Variants in DNAH8 observed in about 807,000 individuals in gnomAD.
DNAH8 encodes axonemal beta dynein heavy chain 8.
DNAH8 carries 382 observed loss-of-function variants against 562.1 expected under a neutral mutation model. The ratio of observed to expected loss-of-function variants is 0.68; its 90% CI spans 0.63 to 0.74. The LOEUF is 0.74. Ranked by LOEUF, DNAH8 falls within the 30% of genes least tolerant of loss-of-function variation. The pLI is 0.00. For synonymous variants in DNAH8, 1,881 were observed against 1,919.4 expected, an observed-to-expected ratio of 0.98 and a Z score of 0.52; for missense variants, 5,203 against 5,620.4, an observed-to-expected ratio of 0.93 and a Z score of 2.37.
chr6:38,755,904 A>G (rs780111464), intron 9 of DNAH8, 68 bp from the exon 10 acceptor site: 1 of 910,558 alleles, frequency 1.1e-6, no homozygotes, highest in Non-Finnish European at 1.8e-6. Flanking sequence ...AGTTTTGAGT[A>G]TTATAGAATA....
At position 38,898,324 on chromosome 6, in the gene DNAH8, A is replaced by G. The variant is rs1554130647; in HGVS notation, c.9007A>G (p.Arg3003Gly). ...CCAGAGACAGTTCAATGAAATCATTAGAGGAACATCTCTTGATCTGGTGTT... is the reference window on the plus strand; with the variant it reads ...CCAGAGACAGTTCAATGAAATCATTGGAGGAACATCTCTTGATCTGGTGTT... ...FYQRQFNEII[R>G]GTSLDLVFFK... is the part of the protein sequence containing the mutation. Residue 3003 changes from arginine (R) to glycine (G), a missense_variant, in exon 61 of 93, where the codon AGA becomes GGA. Physicochemically the swap from Arg to Gly is moderately radical, Grantham distance 125. Transcript: ENST00000327475. 3.1e-6 allele frequency: 5 copies of G among 1,590,308 alleles called. No homozygotes were observed. Among genetic ancestry groups the G allele is most frequent in the African/African-American group, 1.4e-5 (1 of 73,438 alleles).
chr6:38,956,597 A>G (rs902802622), intron 82 of DNAH8, among the ~76,000 whole-genome samples: 3 of 152,164 alleles, frequency 2.0e-5, no homozygotes, highest in African/African-American at 4.8e-5. Context: ...AGACAAACCC[A>G]TCTGGGCCAC....
chr6:38,908,159 T>C, intron 64 of DNAH8, 39 bp downstream of exon 64: 1 of 1,306,178 alleles, frequency 7.7e-7, no homozygotes, highest in Admixed American at 2.5e-5. Flanking sequence ...GTAGAAAGAG[T>C]TCCTTATTTA....
chr6:38,809,455 G>A (rs1771598530), intron 24 of DNAH8, among the ~76,000 whole-genome samples: 1 of 152,070 alleles, frequency 6.6e-6, no homozygotes, highest in Admixed American at 6.5e-5. Context: ...TTTTCCATAT[G>A]GTTAATTAGT....
At position 38,872,897 on chromosome 6, in the gene DNAH8, T is replaced by A; in HGVS notation, c.7238-9T>A. 1 of 1,609,892 alleles carries A rather than the reference T, an allele frequency of 6.2e-7. No homozygotes were observed. The highest frequency in any genetic ancestry group is 8.5e-7 in the Non-Finnish European group (1 of 1,178,630). ...GTGAAAAGTGATTTTCTGTTTTAAT[T>A]ATTTTCAGGTGAAAACATTTTCCTC... On this transcript the variant is annotated splice_polypyrimidine_tract_variant and intron_variant, in intron 50 of 92. Transcript: ENST00000327475.
At chr6:38,749,535 T>TAAA (rs562568389) in intron 8 of DNAH8, among the ~76,000 whole-genome samples, 10 of 120,452 alleles carry the variant, frequency 8.3e-5, no homozygotes, top group South Asian at 2.8e-4. Context: ...GAACTTAAAG[T>TAAA]AAAAAAAAAA....
At chr6:39,009,549 G>A (rs1766044578) in intron 89 of DNAH8, among the ~76,000 whole-genome samples, 1 of 152,140 alleles carries the variant, frequency 6.6e-6, no homozygotes, top group Non-Finnish European at 1.5e-5. Context: ...ATTAGAATGG[G>A]GTGGCATGGG....
intron 12 of DNAH8, among the ~76,000 whole-genome samples, chr6:38,774,599 C>G (rs1045142497): frequency 6.6e-6 from 1 of 152,152 alleles, no homozygotes; most frequent in Non-Finnish European, 1.5e-5. Flanking sequence ...CCTCATCCAA[C>G]CAATCAACAA....
At chr6:38,807,442 AC>A (rs1305209285) in intron 23 of DNAH8, among the ~76,000 whole-genome samples, 167 bp from the exon 24 acceptor site, 1 of 152,232 alleles carries the variant, frequency 6.6e-6, no homozygotes, top group Non-Finnish European at 1.5e-5. Context: ...TCTAAAAAAA[AC>A]AGACAAGTAA....
At position 38,857,574 on chromosome 6, in the gene DNAH8, T is replaced by C. The variant is rs1382429820; in HGVS notation, c.5790T>C (p.Arg1930=). 1.2e-6 allele frequency: 2 copies of C among 1,613,968 alleles called. No individual in the cohort carries two copies. Among genetic ancestry groups the C allele is most frequent in the Admixed American group, 1.7e-5 (1 of 60,018 alleles). Residue 1930 remains arginine (R), a synonymous_variant, in exon 42 of 93, where the codon CGT becomes CGC. Coordinates refer to ENST00000327475, the MANE Select transcript of DNAH8 (RefSeq NM_001206927.2). ...CACACGATTCAGAAGAGGCTTTACG[T>C]AATGCAAAAGATGACAGGAAAATCA... ...LWTHDSEEAL[R]NAKDDRKIMQ... is the part of the protein sequence containing the mutation.
chr6:38,977,226 C>T (rs7754034), intron 85 of DNAH8, among the ~76,000 whole-genome samples: 21,993 of 152,068 alleles, frequency 0.14, 1,795 homozygotes, highest in East Asian at 0.35. Context: ...GAGGAGGGTG[C>T]CCTGGGTGCT....
intron 26 of DNAH8, among the ~76,000 whole-genome samples, chr6:38,820,961 G>A (rs976642437): frequency 3.3e-5 from 5 of 152,028 alleles, no homozygotes; most frequent in Admixed American, 3.3e-4. Context: ...ACATCTACTC[G>A]ACATTATAGT....
At chr6:38,929,689 A>AAT (rs1554138197) in intron 75 of DNAH8, 23 bp downstream of exon 75, 136 of 1,497,260 alleles carry the variant, frequency 9.1e-5, no homozygotes, top group Non-Finnish European at 1.2e-4. Flanking sequence ...AAAAAAAAAA[A>AAT]AAAGAAAGAA....
At chr6:38,878,813 G>A (rs1277393629) in intron 53 of DNAH8, among the ~76,000 whole-genome samples, 1 of 152,136 alleles carries the variant, frequency 6.6e-6, no homozygotes, top group African/African-American at 2.4e-5. Context: ...TAATAACTGT[G>A]TTGTACATTT....
chr6:38,884,988 C>T (rs1165141076), intron 56 of DNAH8, among the ~76,000 whole-genome samples: 1 of 152,112 alleles, frequency 6.6e-6, no homozygotes, highest in East Asian at 1.9e-4. Context: ...TCCCATTTTG[C>T]TCTTTATCCC....
At position 38,848,740 on chromosome 6, in the gene DNAH8, A is replaced by G. The variant is rs758033766; in HGVS notation, c.5138A>G (p.Asn1713Ser). 6.2e-7 allele frequency: 1 copy of G among 1,613,360 alleles called. No individual in the cohort carries two copies. Among genetic ancestry groups the G allele is most frequent in the Non-Finnish European group, 8.5e-7 (1 of 1,179,546 alleles). ...DIIEEWLVVQ[N>S]LWVYLEAVFV... Reference sequence around the variant, plus strand: ...ATTGAAGAGTGGCTCGTAGTACAGAACCTTTGGGTTTATCTTGAAGCCGTC... The same window carrying G: ...ATTGAAGAGTGGCTCGTAGTACAGAGCCTTTGGGTTTATCTTGAAGCCGTC... Residue 1713 changes from asparagine (N) to serine (S), a missense_variant, in exon 37 of 93, where the codon AAC becomes AGC. Asn to Ser is a conservative substitution (Grantham distance 46). This residue lies in a region of DNAH8 where 2,176 missense variants were observed against 2,365.1 expected (regional missense o/e 0.92). Coordinates refer to ENST00000327475, the MANE Select transcript of DNAH8 (RefSeq NM_001206927.2).
chr6:38,906,378 T>A lies in DNAH8; in HGVS notation c.9319T>A (p.Tyr3107Asn), dbSNP rs756594059. The change falls in exon 63 of 93, where the codon TAC (tyrosine) becomes AAC (asparagine). Residue 3107 changes from tyrosine to asparagine, a missense_variant. By Grantham distance (143) the Tyr-to-Asn change is moderately radical. This residue lies in a region of DNAH8 where 977 missense variants were observed against 1,061.8 expected (regional missense o/e 0.92). Coordinates refer to ENST00000327475, the MANE Select transcript of DNAH8 (RefSeq NM_001206927.2). ...AATAAAAGATGAGGCATTTCTAGAA[T>A]ACCTTAACAACTTGCTATCTTCAGG... The part of the protein sequence containing the change: ...SEIKDEAFLE[Y>N]LNNLLSSGEI... 9.3e-6 allele frequency: 15 copies of A among 1,608,950 alleles called. No individual in the cohort carries two copies. Among genetic ancestry groups the A allele is most frequent in the East Asian group, 2.2e-5 (1 of 44,794 alleles).
chr6:38,930,456 T>C (rs568578698), intron 75 of DNAH8, among the ~76,000 whole-genome samples: 12 of 152,296 alleles, frequency 7.9e-5, no homozygotes, highest in Admixed American at 5.2e-4. Context: ...TTCTTCATAA[T>C]GTGAAAATCT....
chr6:38,789,661 C>T, intron 18 of DNAH8, 142 bp from the exon 19 acceptor site: 1 of 575,008 alleles, frequency 1.7e-6, no homozygotes, highest in Non-Finnish European at 3.0e-6. Flanking sequence ...TGTGGTAAAT[C>T]AGCATAAGTT....
Sources: gnomAD v4.1 joint callset for allele counts (sites outside exome capture counted in the v4.1 genomes callset) on GRCh38, gnomAD v4.1.1 for gene constraint, gnomAD v4.1.1 regional missense constraint, MANE v1.5 for transcripts, NCBI Gene and HGNC (gene_info 2026-07-23, HGNC 2026-07-21) for gene names.